SEC16A: variants seen among roughly 807,000 people sequenced by gnomAD.
SEC16A encodes the protein SEC16 homolog A, endoplasmic reticulum export factor, also known as protein transport protein Sec16A.
SEC16A carries 110 observed loss-of-function variants against 221.9 expected under a neutral mutation model. The observed-to-expected ratio is 0.50, with a 90% CI of 0.42 to 0.58. The LOEUF is 0.58. SEC16A is among the 20% of genes least tolerant of loss of function. The pLI, the probability that SEC16A is intolerant of heterozygous loss-of-function variation, is 0.00. For missense variants in SEC16A, 3,165 were observed against 3,097.8 expected, an observed-to-expected ratio of 1.02 and a Z score of -0.52; for synonymous variants, 1,393 against 1,257.7, an observed-to-expected ratio of 1.11 and a Z score of -2.28.
Position 136,476,453 on chromosome 9 carries a change from G to A in SEC16A, c.1163C>T (p.Ser388Leu), listed in dbSNP as rs771550750. The A allele has an allele frequency of 6.2e-7, 1 of 1,613,066 alleles. No individual in the cohort carries two copies. Among genetic ancestry groups the A allele is most frequent in the Non-Finnish European group, 8.5e-7 (1 of 1,179,786 alleles). Residue 388 changes from serine (S) to leucine (L), a missense_variant, in exon 3 of 32, where the codon TCA (serine) becomes TTA (leucine). By Grantham distance (145) the Ser-to-Leu change is moderately radical. This residue lies in a region of SEC16A where 2,030 missense variants were observed against 1,923.1 expected (regional missense o/e 1.06). Coordinates refer to ENST00000684901, the MANE Select transcript of SEC16A (RefSeq NM_014866.2). ...ACCAGATAAGCCTGCTTTTTCAGAT[G>A]AGAGATTCTCCTCATTTTCTGTCTC... ...GGETENEENL[S>L]SEKAGLSGQA... is the part of the protein sequence containing the mutation.
intron 3 of SEC16A, among the ~76,000 whole-genome samples, chr9:136,473,522 G>A (rs1841183455): frequency 6.6e-6 from 1 of 152,284 alleles, no homozygotes; most frequent in Non-Finnish European, 1.5e-5. Flanking sequence ...GCACCACCAC[G>A]TGCTGACAGC....
At chr9:136,474,009 C>G in intron 3 of SEC16A, 40 bp downstream of exon 3, 1 of 1,553,634 alleles carries the variant, frequency 6.4e-7, no homozygotes. Context: ...GGTCAAAGCA[C>G]AGACAGAAAA....
In SEC16A at chr9:136,475,134, C is replaced by T; in HGVS notation, c.2482G>A (p.Val828Ile). 1 of 1,613,924 alleles carries T rather than the reference C, an allele frequency of 6.2e-7. No homozygotes were observed. Among genetic ancestry groups the T allele is most frequent in the Non-Finnish European group, 8.5e-7 (1 of 1,179,876 alleles). ...CTGTGATCAGGCTGAGCAATCAAGACTGGAGGATTCTGCAGAGACTCAGTG... is the reference window on the plus strand; with the variant it reads ...CTGTGATCAGGCTGAGCAATCAAGATTGGAGGATTCTGCAGAGACTCAGTG... ...PPTESLQNPP[V>I]LIAQPDHSYN... is the part of the protein sequence containing the mutation. The change falls in exon 3 of 32, where the codon GTC (valine) becomes ATC (isoleucine). Residue 828 changes from valine (V) to isoleucine (I), a missense_variant. Physicochemically the swap from Val to Ile is conservative, Grantham distance 29. Around this residue, in one of 3 missense-constraint regions of SEC16A, gnomAD observed 2,030 missense variants for 1,923.1 expected, o/e 1.06. Transcript: ENST00000684901. The surrounding 1 kb of genome is among the most constrained non-coding windows in gnomAD (Gnocchi z 5.0).
intron 23 of SEC16A, chr9:136,448,947 G>T: frequency 1.5e-6 from 1 of 657,712 alleles, no homozygotes; most frequent in Non-Finnish European, 2.8e-6. Flanking sequence ...TGGTGGTGAT[G>T]GCAACACAAC....
At chr9:136,477,888 AC>A (rs1489589033) in intron 2 of SEC16A, among the ~76,000 whole-genome samples, 2 of 152,168 alleles carry the variant, frequency 1.3e-5, no homozygotes, top group East Asian at 3.9e-4. Flanking sequence ...CAGAGTGAGA[AC>A]CCTGGATGGC....
chr9:136,484,730 A>G (rs779523727), upstream of SEC16A: 25 of 1,366,662 alleles, frequency 1.8e-5, no homozygotes, highest in Non-Finnish European at 2.3e-5. Flanking sequence ...ACGTGGCACC[A>G]GGGCCAATCT....
In SEC16A at chr9:136,474,426, G is replaced by A. The variant is rs368300787; in HGVS notation, c.3190C>T (p.Pro1064Ser). 1.2e-6 allele frequency: 2 copies of A among 1,613,052 alleles called. No individual in the cohort carries two copies. Among genetic ancestry groups the A allele is most frequent in the East Asian group, 2.2e-5 (1 of 44,890 alleles). ...LERAQQELVP[P>S]QQQASPPQLP... is the part of the protein sequence containing the mutation. ...TGTGGGGGAGAAGCCTGTTGCTGGG[G>A]TGGCACCAGCTCCTGCTGGGCTCTT... Residue 1064 changes from proline (P) to serine (S), a missense_variant, in exon 3 of 32, where the codon CCC becomes TCC. Pro to Ser is a moderately conservative substitution (Grantham distance 74). This residue lies in a region of SEC16A where 2,030 missense variants were observed against 1,923.1 expected (regional missense o/e 1.06). Transcript: ENST00000684901.
intron 12 of SEC16A, among the ~76,000 whole-genome samples, chr9:136,461,687 C>T (rs1839501601): frequency 6.6e-6 from 1 of 152,206 alleles, no homozygotes; most frequent in African/African-American, 2.4e-5. Context: ...CCCCTTTCAC[C>T]AAAATCATCC....
intron 2 of SEC16A, 121 bp from the exon 3 acceptor site, chr9:136,477,805 G>A: frequency 1.9e-6 from 2 of 1,030,424 alleles, no homozygotes; most frequent in Non-Finnish European, 2.7e-6. Flanking sequence ...AAATCCCAAG[G>A]ACTCTCTCTC....
chr9:136,484,019 C>T (rs1271927516), upstream of SEC16A: 1 of 167,168 alleles, frequency 6.0e-6, no homozygotes. Flanking sequence ...GAGGGGCGGC[C>T]CGGCCACCGC....
At chr9:136,471,019 C>T (rs1172030647) in intron 4 of SEC16A, among the ~76,000 whole-genome samples, 1 of 152,126 alleles carries the variant, frequency 6.6e-6, no homozygotes, top group Non-Finnish European at 1.5e-5. Flanking sequence ...AAATCAACAA[C>T]AGCCTCCTCT....
At position 136,476,257 on chromosome 9, in the gene SEC16A, G is replaced by T; in HGVS notation, c.1359C>A (p.Gly453=). Residue 453 remains glycine, a synonymous_variant, in exon 3 of 32, where the codon GGC becomes GGA. Coordinates refer to ENST00000684901, the MANE Select transcript of SEC16A (RefSeq NM_014866.2). ...AGTTCTCAACATTCTCATACTGCGA[G>T]CCGCTGGCATCCGGCACCCCTGTGC... The part of the protein sequence containing the change: ...TASTGVPDAS[G]SQYENVENLE... The T allele has an allele frequency of 6.2e-7, 1 of 1,613,436 alleles. No homozygotes were observed. The highest frequency in any genetic ancestry group is 1.1e-5 in the South Asian group (1 of 91,082).
chr9:136,448,062 G>T (rs778635410), intron 24 of SEC16A, 22 bp downstream of exon 24: 2 of 1,599,332 alleles, frequency 1.3e-6, no homozygotes, highest in Non-Finnish European at 1.7e-6. Context: ...CGGACGTCCC[G>T]TGCGTATTTG....
At chr9:136,455,903 T>A in intron 19 of SEC16A, 110 bp from the exon 20 acceptor site, 3 of 1,251,428 alleles carry the variant, frequency 2.4e-6, no homozygotes, top group Middle Eastern at 2.0e-4. Flanking sequence ...CAGGAGGCAC[T>A]CAAAGCCCTT....
chr9:136,443,759 G>T, intron 31 of SEC16A, 64 bp downstream of exon 31: 1 of 1,168,266 alleles, frequency 8.6e-7, no homozygotes, highest in Non-Finnish European at 1.3e-6. Context: ...CCATCACTGA[G>T]CAGCAGGGTC....
In SEC16A at chr9:136,474,094, A is replaced by G. The variant is rs2132833460; in HGVS notation, c.3522T>C (p.Ser1174=). 1 of 1,612,668 alleles carries G rather than the reference A, an allele frequency of 6.2e-7. No homozygotes were observed. ...CGCCAGGCTCCGGTGGGTACGGCAA[A>G]GAGTACTGAGGCTGGTAGGCATCGT... The part of the protein sequence containing the change: ...PLYDAYQPQY[S]LPYPPEPGAA... The change falls in exon 3 of 32, where the codon TCT becomes TCC. Residue 1174 remains serine (S), a synonymous_variant. Transcript: ENST00000684901.
At position 136,475,711 on chromosome 9, in the gene SEC16A, T is replaced by C; in HGVS notation, c.1905A>G (p.Val635=). The change falls in exon 3 of 32, where the codon GTA becomes GTG. Residue 635 remains valine (V), a synonymous_variant. Coordinates refer to ENST00000684901, the MANE Select transcript of SEC16A (RefSeq NM_014866.2). This position sits in a 1 kb window ranked among gnomAD's most constrained non-coding sequence, Gnocchi z 5.0. ...EADRANVVGE[V]RETCVRQKQC... ...GCTTCTGGCGGACACAGGTCTCCCT[T>C]ACTTCACCAACCACGTTGGCGCGAT... The C allele has an allele frequency of 1.9e-6, 3 of 1,613,252 alleles. No homozygotes were observed. Among genetic ancestry groups the C allele is most frequent in the Non-Finnish European group, 1.7e-6 (2 of 1,179,630 alleles).
Position 136,444,708 on chromosome 9 carries a change from G to A in SEC16A, c.6927+344C>T, listed in dbSNP as rs1307542142. Among the ~76,000 whole-genome samples the A allele has an allele frequency of 2.6e-5, 4 of 151,958 alleles. No homozygotes were observed. The East Asian group carries it at 5.8e-4, about 22-fold the overall frequency. ...AGCCTGACCAACATGGAGAAACCCC[G>A]TCTCTACTAAAAATACAAAATTAGC... On this transcript the variant is annotated intron_variant, in intron 30 of 31. Coordinates refer to ENST00000684901, the MANE Select transcript of SEC16A (RefSeq NM_014866.2).
chr9:136,475,352 G>A lies in SEC16A; in HGVS notation c.2264C>T (p.Pro755Leu), dbSNP rs367618737. The part of the protein sequence containing the change: ...PALYVCAKPQ[P>L]PVVQPPEEAM... ...CTCTTCTGGAGGCTGAACAACAGGT[G>A]GCTGAGGTTTTGCACACACATAAAG... Residue 755 changes from proline to leucine, a missense_variant, in exon 3 of 32, where the codon CCA becomes CTA. This residue lies in a region of SEC16A where 2,030 missense variants were observed against 1,923.1 expected (regional missense o/e 1.06). Coordinates refer to ENST00000684901, the MANE Select transcript of SEC16A (RefSeq NM_014866.2). The surrounding 1 kb of genome is among the most constrained non-coding windows in gnomAD (Gnocchi z 5.0). The A allele has an allele frequency of 4.3e-6, 7 of 1,609,680 alleles. No homozygotes were observed. In the African/African-American group the frequency reaches 6.7e-5, roughly 15 times the overall value.
Sources: allele counts gnomAD v4.1 joint callset (sites outside exome capture counted in the v4.1 genomes callset), GRCh38; gene constraint gnomAD v4.1.1; regional missense constraint gnomAD v4.1.1; non-coding constraint Gnocchi (gnomAD v3.1); transcripts MANE v1.5; gene names NCBI Gene and HGNC (gene_info 2026-07-23, HGNC 2026-07-21).